The following CCDC38 variants were observed in gnomAD, a reference collection of about 807,000 sequenced individuals.
The protein encoded by CCDC38 is coiled-coil domain-containing protein 38.
CCDC38 carries 69 observed loss-of-function variants against 72.8 expected under a neutral mutation model. The observed-to-expected ratio is 0.95, with a 90% CI of 0.78 to 1.16. The LOEUF is 1.16. Among genes scored for constraint, CCDC38 ranks in the 50% most tolerant of loss-of-function variants. The pLI is 0.00. For missense variants in CCDC38, 626 were observed against 638.9 expected, an observed-to-expected ratio of 0.98 and a Z score of 0.22; for synonymous variants, 201 against 213.2, an observed-to-expected ratio of 0.94 and a Z score of 0.50.
intron 13 of CCDC38, among the ~76,000 whole-genome samples, chr12:95,874,795 T>G (rs981917583): frequency 3.9e-5 from 6 of 152,214 alleles, no homozygotes; most frequent in African/African-American, 1.4e-4. Context: ...AGCAGTGTTT[T>G]AGGAGGAATC....
At chr12:95,922,796 C>T (rs968036809) in intron 2 of CCDC38, among the ~76,000 whole-genome samples, 1 of 152,136 alleles carries the variant, frequency 6.6e-6, no homozygotes, top group Non-Finnish European at 1.5e-5. Context: ...GCAAAGCCAA[C>T]AGGCTGAAGA....
chr12:95,940,891 CAA>C (rs71091221), intron 1 of CCDC38, among the ~76,000 whole-genome samples: 14,497 of 66,578 alleles, frequency 0.22, 786 homozygotes, highest in Non-Finnish European at 0.25. Flanking sequence ...AACAAACAAA[CAA>C]AAAAAAAAAC....
intron 2 of CCDC38, among the ~76,000 whole-genome samples, chr12:95,926,912 T>C (rs1462185297): frequency 2.0e-5 from 3 of 152,062 alleles, no homozygotes; most frequent in African/African-American, 7.2e-5. Context: ...AGAGATAGTT[T>C]GTTATAATTT....
rs779716729 is a variant in CCDC38 at position 95,894,988 on chromosome 12, C to A, written c.772+1G>T. On this transcript the variant is annotated splice_donor_variant, in intron 8 of 15. Transcript: ENST00000344280. LOFTEE classifies it high-confidence loss of function. ...ATGAAAGTTGAGTATAAGTAACTTACTTGCTAATATTTTTGGAAGGATGAT... is the reference window on the plus strand; with the variant it reads ...ATGAAAGTTGAGTATAAGTAACTTAATTGCTAATATTTTTGGAAGGATGAT... 1 of 1,603,450 alleles carries A rather than the reference C, an allele frequency of 6.2e-7. No homozygotes were observed. Among genetic ancestry groups the A allele is most frequent in the Non-Finnish European group, 8.5e-7 (1 of 1,176,040 alleles).
chr12:95,918,960 G>A lies in CCDC38; in HGVS notation c.54C>T (p.Gly18=), dbSNP rs2080174851. 4 of 1,605,782 alleles carry A rather than the reference G, an allele frequency of 2.5e-6. No homozygotes were observed. Among genetic ancestry groups the A allele is most frequent in the Non-Finnish European group, 2.6e-6 (3 of 1,173,108 alleles). Residue 18 remains glycine, a synonymous_variant, in exon 3 of 16, where the codon GGC becomes GGT. Coordinates refer to ENST00000344280, the MANE Select transcript of CCDC38 (RefSeq NM_182496.3). ...TATAAGGCCTGTCCTCTTTGGTTGAGCCATCTTTTACTTTACCTGTTAAAA... is the reference window on the plus strand; with the variant it reads ...TATAAGGCCTGTCCTCTTTGGTTGAACCATCTTTTACTTTACCTGTTAAAA... ...TLNSGGKVKD[G]STKEDRPYKI... is the part of the protein sequence containing the mutation.
At chr12:95,937,341 T>G (rs1340990048) in intron 1 of CCDC38, among the ~76,000 whole-genome samples, 1 of 152,184 alleles carries the variant, frequency 6.6e-6, no homozygotes, top group African/African-American at 2.4e-5. Flanking sequence ...TTAATTTATA[T>G]ATTTAAAATA....
chr12:95,900,902 G>A (rs780869760), intron 5 of CCDC38, among the ~76,000 whole-genome samples: 1 of 152,098 alleles, frequency 6.6e-6, no homozygotes, highest in Non-Finnish European at 1.5e-5. Flanking sequence ...TGGCATTTTG[G>A]ATCGTTGTCT....
Position 95,898,679 on chromosome 12 carries a change from G to C in CCDC38, c.422C>G (p.Ala141Gly). The C allele has an allele frequency of 6.2e-7, 1 of 1,614,062 alleles. No individual in the cohort carries two copies. Among genetic ancestry groups the C allele is most frequent in the Non-Finnish European group, 8.5e-7 (1 of 1,179,992 alleles). The change falls in exon 6 of 16, where the codon GCA (alanine) becomes GGA (glycine). Residue 141 changes from alanine (A) to glycine (G), a missense_variant. Ala to Gly is a moderately conservative substitution (Grantham distance 60). Coordinates refer to ENST00000344280, the MANE Select transcript of CCDC38 (RefSeq NM_182496.3). ...TTTTTTTAGTTGCCGTTCCCTCATT[G>C]CTATGTCTTTTTCAAACTTTTTGAT... ...NTIKKFEKDI[A>G]MRERQLKKAE...
intron 1 of CCDC38, among the ~76,000 whole-genome samples, chr12:95,939,126 T>C (rs73373158): frequency 0.033 from 5,052 of 152,288 alleles, 279 homozygotes; most frequent in African/African-American, 0.12. Context: ...TTAGGTAAGT[T>C]ACCACGTCCA....
At chr12:95,874,236 TA>T (rs2079612161) in intron 13 of CCDC38, among the ~76,000 whole-genome samples, 1 of 152,176 alleles carries the variant, frequency 6.6e-6, no homozygotes, top group African/African-American at 2.4e-5. Context: ...AAAAATACTT[TA>T]AAAATATATT....
At chr12:95,896,170 G>A (rs7135910) in intron 7 of CCDC38, among the ~76,000 whole-genome samples, 62,542 of 151,654 alleles carry the variant, frequency 0.41, 13,847 homozygotes, top group African/African-American at 0.56. Context: ...TACAGACATA[G>A]GCTGATCCTC....
At chr12:95,897,420 C>T (rs927712322) in intron 7 of CCDC38, among the ~76,000 whole-genome samples, 1 of 151,868 alleles carries the variant, frequency 6.6e-6, no homozygotes, top group African/African-American at 2.4e-5. Context: ...ACTAGCTTGG[C>T]TAACGTGGTG....
At chr12:95,938,336 CTG>C (rs1295775230) in intron 1 of CCDC38, among the ~76,000 whole-genome samples, 2 of 152,168 alleles carry the variant, frequency 1.3e-5, no homozygotes, top group Admixed American at 1.3e-4. Context: ...ATTTTACACT[CTG>C]TACTCATCTC....
intron 8 of CCDC38, among the ~76,000 whole-genome samples, chr12:95,894,595 G>A (rs1389208491): frequency 5.3e-5 from 8 of 152,058 alleles, no homozygotes; most frequent in Non-Finnish European, 1.2e-4. Context: ...CCTGGCACCT[G>A]CTTCCCCTCC....
At chr12:95,919,090 A>G in intron 2 of CCDC38, 114 bp from the exon 3 acceptor site, 1 of 675,090 alleles carries the variant, frequency 1.5e-6, no homozygotes, top group Non-Finnish European at 2.6e-6. Context: ...GATCTCTGAG[A>G]AGGTAGTGTT....
At chr12:95,868,784 C>A (rs1158307491) in intron 15 of CCDC38, among the ~76,000 whole-genome samples, 2 of 152,116 alleles carry the variant, frequency 1.3e-5, no homozygotes, top group East Asian at 3.9e-4. Flanking sequence ...ATGTACCTGA[C>A]TACCTAATCC....
chr12:95,936,539 A>C lies in CCDC38; in HGVS notation c.-14-16T>G. The C allele has an allele frequency of 6.2e-7, 1 of 1,608,806 alleles. No individual in the cohort carries two copies. Among genetic ancestry groups the C allele is most frequent in the Non-Finnish European group, 8.5e-7 (1 of 1,178,020 alleles). Reference sequence around the variant, plus strand: ...TTGCCTGGCCCTGTTGAAAGAAAAAAAAATACGTTTTTTAAAAATTCTATG... The same window carrying C: ...TTGCCTGGCCCTGTTGAAAGAAAAACAAATACGTTTTTTAAAAATTCTATG... On this transcript the variant is annotated splice_polypyrimidine_tract_variant and intron_variant, in intron 1 of 15. Transcript: ENST00000344280.
intron 2 of CCDC38, among the ~76,000 whole-genome samples, chr12:95,924,723 G>A (rs1380062867): frequency 6.6e-6 from 1 of 151,162 alleles, no homozygotes; most frequent in Non-Finnish European, 1.5e-5. Context: ...TGTATAAGGG[G>A]TAAGGAAGGG....
intron 2 of CCDC38, among the ~76,000 whole-genome samples, chr12:95,936,165 G>C (rs2080391633): frequency 6.6e-6 from 1 of 152,046 alleles, no homozygotes; most frequent in African/African-American, 2.4e-5. Context: ...GGAAAGGAAA[G>C]AAGAGGGCAG....
Sources: gnomAD v4.1 joint callset for allele counts (sites outside exome capture counted in the v4.1 genomes callset) on GRCh38, gnomAD v4.1.1 for gene constraint, MANE v1.5 for transcripts, NCBI Gene and HGNC (gene_info 2026-07-23, HGNC 2026-07-21) for gene names.